The following NFASC variants were observed in gnomAD, a reference collection of about 807,000 sequenced individuals.
NFASC encodes neurofascin homolog.
A neutral mutation model predicts 147.5 loss-of-function variants in NFASC; 43 were observed. That is an observed-to-expected ratio of 0.29 (90% CI 0.23 to 0.38). The LOEUF is 0.38. NFASC is among the 10% of genes least tolerant of loss of function. The pLI, the probability that NFASC is intolerant of heterozygous loss-of-function variation, is 1.00. For synonymous variants in NFASC, 622 were observed against 665.5 expected, an observed-to-expected ratio of 0.93 and a Z score of 1.01; for missense variants, 1,320 against 1,689.0, an observed-to-expected ratio of 0.78 and a Z score of 3.83.
intron 8 of NFASC, chr1:204,962,227 T>C (rs2150130892): frequency 1.4e-5 from 18 of 1,301,842 alleles, no homozygotes; most frequent in Non-Finnish European, 1.9e-5. Context: ...ACTTGACTGA[T>C]ACCACGTCAT....
chr1:204,866,236 C>A (rs1351698865), intron 1 of NFASC, among the ~76,000 whole-genome samples: 1 of 152,162 alleles, frequency 6.6e-6, no homozygotes, highest in Non-Finnish European at 1.5e-5. Flanking sequence ...CTCACACTGC[C>A]AAACCTCAGC....
chr1:204,831,381 G>T (rs1672186081), intron 1 of NFASC, among the ~76,000 whole-genome samples: 1 of 149,944 alleles, frequency 6.7e-6, no homozygotes, highest in Non-Finnish European at 1.5e-5. Context: ...TTCTTTTAAG[G>T]CACACATTGA....
At chr1:204,852,061 A>G (rs773583817) in intron 1 of NFASC, among the ~76,000 whole-genome samples, 1 of 152,226 alleles carries the variant, frequency 6.6e-6, no homozygotes, top group Non-Finnish European at 1.5e-5. Context: ...ACAGTCTTTA[A>G]GAGTCTACAT....
At chr1:204,973,748 G>C (rs546516793) in intron 12 of NFASC, among the ~76,000 whole-genome samples, 2 of 152,310 alleles carry the variant, frequency 1.3e-5, no homozygotes, top group South Asian at 4.1e-4. Flanking sequence ...TGATGAGATA[G>C]AGTGGGACTG....
chr1:205,013,482 T>C (rs945411541), intron 29 of NFASC, among the ~76,000 whole-genome samples: 2 of 152,158 alleles, frequency 1.3e-5, no homozygotes, highest in African/African-American at 4.8e-5. Context: ...AAGCGAATTG[T>C]CTAAGACTCT....
At chr1:204,879,885 T>C (rs1572407545) in intron 1 of NFASC, among the ~76,000 whole-genome samples, 2 of 152,224 alleles carry the variant, frequency 1.3e-5, no homozygotes, top group East Asian at 3.9e-4. Context: ...ATTTCTGATC[T>C]GGTTTGACCT....
intron 23 of NFASC, chr1:204,989,770 C>T (rs2095684968): frequency 6.6e-6 from 1 of 152,288 alleles, no homozygotes; most frequent in Admixed American, 6.5e-5. Context: ...TATCTAATTG[C>T]ATGTCTAAAT....
chr1:204,840,648 C>G (rs954695742), intron 1 of NFASC, among the ~76,000 whole-genome samples: 15 of 152,314 alleles, frequency 9.8e-5, no homozygotes, highest in Admixed American at 9.8e-4. Context: ...ACTGCCCTGG[C>G]CACCACTCCT....
intron 21 of NFASC, among the ~76,000 whole-genome samples, chr1:204,984,800 GGAA>G (rs1187553332): frequency 6.6e-5 from 10 of 152,204 alleles, no homozygotes; most frequent in South Asian, 4.2e-4. Context: ...AGCTCAGATG[GGAA>G]GAAGAGAGAG....
At chr1:204,877,003 T>TATATATATATATATATATATATA in intron 1 of NFASC, among the ~76,000 whole-genome samples, 1 of 87,942 alleles carries the variant, frequency 1.1e-5, no homozygotes, top group South Asian at 2.9e-4. Flanking sequence ...TATGTATATA[T>TATATATATATATATATATATATA]ATATATATAT....
At chr1:204,844,584 T>C (rs1344831408) in intron 1 of NFASC, among the ~76,000 whole-genome samples, 6 of 152,128 alleles carry the variant, frequency 3.9e-5, no homozygotes, top group Admixed American at 3.9e-4. Context: ...ACACAGGTAC[T>C]AAAGGACAAC....
chr1:204,887,508 A>G (rs946735201), intron 1 of NFASC, among the ~76,000 whole-genome samples: 4 of 145,544 alleles, frequency 2.7e-5, no homozygotes, highest in African/African-American at 5.1e-5. Flanking sequence ...TCTTTGGCAT[A>G]TCTGTACCTG....
In NFASC at chr1:205,016,955, C is replaced by G; in HGVS notation, c.*416C>G. On this transcript the variant is annotated 3_prime_UTR_variant, in exon 30 of 30. Coordinates refer to ENST00000339876, the MANE Select transcript of NFASC (RefSeq NM_001005388.3). This position sits in a 1 kb window ranked among gnomAD's most constrained non-coding sequence, Gnocchi z 5.1. ...GACCCAATGTCTCTGTTTTCTTTTC[C>G]TTTTGAAAAAGAGTCCCTGGAAAAG... 1 of 296,220 alleles carries G rather than the reference C, an allele frequency of 3.4e-6. No individual in the cohort carries two copies. 18.3% of individuals were successfully genotyped at this position (296,220 alleles called of 1,614,324 possible).
At chr1:204,892,108 T>G (rs1374257054) in intron 1 of NFASC, among the ~76,000 whole-genome samples, 2 of 152,170 alleles carry the variant, frequency 1.3e-5, no homozygotes, top group East Asian at 3.8e-4. Context: ...CACAGGAAGG[T>G]GGCTCAGAGT....
intron 1 of NFASC, among the ~76,000 whole-genome samples, chr1:204,909,601 A>G (rs1305867088): frequency 1.3e-5 from 2 of 152,172 alleles, no homozygotes; most frequent in Admixed American, 6.6e-5. Flanking sequence ...TGTTCCTTCT[A>G]TGAATTATAC....
At chr1:204,949,321 G>T (rs1210416002) in intron 3 of NFASC, among the ~76,000 whole-genome samples, 2 of 152,080 alleles carry the variant, frequency 1.3e-5, no homozygotes, top group African/African-American at 2.4e-5. Flanking sequence ...TCTCCAGGCT[G>T]CCCTCTCTAA....
chr1:204,831,811 A>AG (rs1396134723), intron 1 of NFASC, among the ~76,000 whole-genome samples: 2 of 152,144 alleles, frequency 1.3e-5, no homozygotes, highest in Non-Finnish European at 2.9e-5. Context: ...CTGCTCTGCT[A>AG]GGTGCTGAGA....
chr1:204,930,185 A>G (rs1167909010), intron 2 of NFASC, among the ~76,000 whole-genome samples: 2 of 152,256 alleles, frequency 1.3e-5, no homozygotes, highest in East Asian at 1.9e-4. Context: ...CAATTCTGAG[A>G]GTCTGTAGAG....
At chr1:204,854,526 C>T (rs1376536464) in intron 1 of NFASC, among the ~76,000 whole-genome samples, 1 of 152,168 alleles carries the variant, frequency 6.6e-6, no homozygotes, top group Non-Finnish European at 1.5e-5. Flanking sequence ...TGGGATTAAC[C>T]CTTTGGCTGC....
Sources: gnomAD v4.1 joint callset for allele counts (sites outside exome capture counted in the v4.1 genomes callset) on GRCh38, gnomAD v4.1.1 for gene constraint, Gnocchi (gnomAD v3.1) non-coding constraint, MANE v1.5 for transcripts, NCBI Gene and HGNC (gene_info 2026-07-23, HGNC 2026-07-21) for gene names.